Variants in ARHGEF10L observed in about 807,000 individuals in gnomAD.
ARHGEF10L encodes the protein Rho guanine nucleotide exchange factor 10 like.
ARHGEF10L carries 69 observed loss-of-function variants against 141.2 expected under a neutral mutation model. The ratio of observed to expected loss-of-function variants is 0.49; its 90% confidence interval spans 0.40 to 0.60. ARHGEF10L has a LOEUF of 0.60. Ranked by LOEUF, ARHGEF10L falls within the 20% of genes least tolerant of loss-of-function variation. The pLI is 0.00. For synonymous variants in ARHGEF10L, 711 were observed against 718.5 expected (o/e 0.99, Z 0.17); for missense variants, 1,482 against 1,734.3 (o/e 0.85, Z 2.58).
chr1:17,585,543 C>T (rs1321800733), intron 2 of ARHGEF10L, among the ~76,000 whole-genome samples: 1 of 152,170 alleles, frequency 6.6e-6, no homozygotes, highest in Non-Finnish European at 1.5e-5. Flanking sequence ...GGCTGTGTCT[C>T]CTCCTCCGTG....
intron 2 of ARHGEF10L, among the ~76,000 whole-genome samples, chr1:17,585,999 C>T (rs1388889083): frequency 6.6e-6 from 1 of 152,188 alleles, no homozygotes; most frequent in Admixed American, 6.5e-5. Flanking sequence ...ATTTTACCCT[C>T]CAGGGGGACA....
At position 17,676,020 on chromosome 1, in the gene ARHGEF10L, GTA is replaced by G. The variant is rs1474367618; in HGVS notation, c.3009+11427_3009+11428del. 5.8e-3 allele frequency among the ~76,000 whole-genome samples: 859 copies of G among 147,366 alleles called. 8 individuals carry two copies. Among genetic ancestry groups the G allele is most frequent in the Non-Finnish European group, 0.01 (698 of 66,874 alleles). On this transcript the variant is annotated intron_variant, in intron 26 of 28. Coordinates refer to ENST00000361221, the MANE Select transcript of ARHGEF10L (RefSeq NM_018125.4). ...GGTGTGGGTGCAGGTGTGGATGCAG[GTA>G]TGTGTGCAGGTATGGATGCAGGTGT...
chr1:17,629,606 A>C (rs1336498961), intron 15 of ARHGEF10L, among the ~76,000 whole-genome samples: 1 of 152,150 alleles, frequency 6.6e-6, no homozygotes, highest in Admixed American at 6.5e-5. Flanking sequence ...GGGAGGGGAC[A>C]GCGCCCTCTC....
At chr1:17,609,798 C>T (rs929050046) in intron 7 of ARHGEF10L, among the ~76,000 whole-genome samples, 4 of 152,136 alleles carry the variant, frequency 2.6e-5, no homozygotes, top group Admixed American at 1.3e-4. Flanking sequence ...GGAGGAGCGG[C>T]CCAGGCAGAA....
At chr1:17,678,410 T>G (rs1429953669) in intron 26 of ARHGEF10L, among the ~76,000 whole-genome samples, 2 of 151,640 alleles carry the variant, frequency 1.3e-5, no homozygotes. Flanking sequence ...CACTGATAGA[T>G]TTCAGGGTTT....
At chr1:17,637,799 C>T in intron 18 of ARHGEF10L, 89 bp from the exon 19 acceptor site, 3 of 1,263,892 alleles carry the variant, frequency 2.4e-6, no homozygotes, top group Non-Finnish European at 3.3e-6. Flanking sequence ...CCACCGCGCC[C>T]AGCCTCTGGA....
chr1:17,585,142 C>A (rs1185618623), intron 2 of ARHGEF10L, among the ~76,000 whole-genome samples: 3 of 152,064 alleles, frequency 2.0e-5, no homozygotes, highest in Non-Finnish European at 1.5e-5. Context: ...ATTGGGAATC[C>A]CCTAATTAAA....
chr1:17,532,132 C>T, the ARHGEF10L span, among the ~76,000 whole-genome samples: 10 of 152,176 alleles, frequency 6.6e-5, no homozygotes, highest in Non-Finnish European at 1.3e-4. Context: ...GCTGGAGGCT[C>T]GCTGTGTCCC....
intron 27 of ARHGEF10L, among the ~76,000 whole-genome samples, chr1:17,690,728 G>T (rs942944487): frequency 6.6e-6 from 1 of 152,160 alleles, no homozygotes; most frequent in Admixed American, 6.5e-5. Flanking sequence ...TGCCAGACCA[G>T]TTCCTCCTGA....
chr1:17,543,884 G>A (rs530783864), intron 1 of ARHGEF10L, among the ~76,000 whole-genome samples: 1 of 151,852 alleles, frequency 6.6e-6, no homozygotes, highest in Admixed American at 6.6e-5. Context: ...CTGACCTCAG[G>A]TGATCCACCT....
chr1:17,634,157 T>C (rs1238166607), intron 16 of ARHGEF10L: 1 of 288,632 alleles, frequency 3.5e-6, no homozygotes, highest in Non-Finnish European at 6.5e-6. Context: ...CCCGTTTATA[T>C]CCTGGGCACC....
Position 17,627,562 on chromosome 1 carries a change from C to A in ARHGEF10L, c.1584+59C>A. ...TGCCTGCCCTCACCTGTGCTCCTGC[C>A]CGTGCCCCTGCCCCACGCCACCCAC... On this transcript the variant is annotated intron_variant, in intron 15 of 28. Transcript: ENST00000361221. This position sits in a 1 kb window ranked among gnomAD's most constrained non-coding sequence, Gnocchi z 4.0. 6.4e-7 allele frequency: 1 copy of A among 1,568,646 alleles called. No homozygotes were observed. The highest frequency in any genetic ancestry group is 8.7e-7 in the Non-Finnish European group (1 of 1,155,584).
chr1:17,536,637 A>G (rs2076579668), upstream of ARHGEF10L, among the ~76,000 whole-genome samples: 1 of 152,028 alleles, frequency 6.6e-6, no homozygotes, highest in Non-Finnish European at 1.5e-5. Flanking sequence ...TTGTGATGTC[A>G]CTCTTTCTCG....
At chr1:17,674,646 G>T (rs2063532003) in intron 26 of ARHGEF10L, among the ~76,000 whole-genome samples, 1 of 152,210 alleles carries the variant, frequency 6.6e-6, no homozygotes, top group African/African-American at 2.4e-5. Context: ...CTGTGAGAGG[G>T]TGGGAAACTG....
At chr1:17,564,884 G>C (rs1189683482) in intron 1 of ARHGEF10L, among the ~76,000 whole-genome samples, 1 of 152,196 alleles carries the variant, frequency 6.6e-6, no homozygotes, top group Non-Finnish European at 1.5e-5. Context: ...GTGCCCTGTG[G>C]CTGGCACCTG....
chr1:17,691,572 T>C (rs926721046), intron 27 of ARHGEF10L, among the ~76,000 whole-genome samples: 1 of 152,168 alleles, frequency 6.6e-6, no homozygotes, highest in African/African-American at 2.4e-5. Context: ...GGTTTATGGC[T>C]CTGATGGAGC....
chr1:17,695,427 G>A, intron 28 of ARHGEF10L, 147 bp downstream of exon 28: 1 of 1,206,410 alleles, frequency 8.3e-7, no homozygotes, highest in Non-Finnish European at 1.1e-6. Context: ...GTGGCATGGT[G>A]GCCAGTAGAA....
At chr1:17,592,166 G>A (rs1018561413) in intron 4 of ARHGEF10L, among the ~76,000 whole-genome samples, 4 of 152,194 alleles carry the variant, frequency 2.6e-5, no homozygotes, top group Non-Finnish European at 4.4e-5. Flanking sequence ...GCCACAGATC[G>A]CTGGCTTCCT....
chr1:17,532,875 G>T, the ARHGEF10L span, among the ~76,000 whole-genome samples: 1 of 152,058 alleles, frequency 6.6e-6, no homozygotes, highest in African/African-American at 2.4e-5. Context: ...GATTACAAGT[G>T]TGAGCTACTG....
Sources: gnomAD v4.1 joint callset for allele counts (sites outside exome capture counted in the v4.1 genomes callset) on GRCh38, gnomAD v4.1.1 for gene constraint, Gnocchi (gnomAD v3.1) non-coding constraint, MANE v1.5 for transcripts, NCBI Gene and HGNC (gene_info 2026-07-23, HGNC 2026-07-21) for gene names.